SIK2: variants seen among roughly 807,000 people sequenced by gnomAD.
SIK2 encodes the protein serine/threonine-protein kinase SIK2.
A neutral mutation model predicts 103.2 loss-of-function variants in SIK2; 29 were observed. That is an observed-to-expected ratio of 0.28 (90% CI 0.21 to 0.38). The LOEUF (loss-of-function observed/expected upper bound fraction) is 0.38, where lower values mean the gene tolerates loss of function less well. Among genes scored for constraint, SIK2 ranks in the 10% least tolerant of loss-of-function variants. The pLI, the probability that SIK2 is intolerant of heterozygous loss-of-function variation, is 1.00. For missense variants in SIK2, 879 were observed against 1,171.0 expected, an observed-to-expected ratio of 0.75 and a Z score of 3.64; for synonymous variants, 412 against 446.1, an observed-to-expected ratio of 0.92 and a Z score of 0.96.
At chr11:111,630,165 G>A (rs1942018263) in intron 3 of SIK2, among the ~76,000 whole-genome samples, 1 of 152,130 alleles carries the variant, frequency 6.6e-6, no homozygotes, top group Admixed American at 6.5e-5. Flanking sequence ...ATTTATGCAT[G>A]CAACAACATG....
At chr11:111,670,901 G>C (rs1942616161) in intron 3 of SIK2, 1 of 156,454 alleles carries the variant, frequency 6.4e-6, no homozygotes, top group African/African-American at 2.4e-5. Flanking sequence ...TCCCTGACAG[G>C]CTCTGGGACA....
intron 1 of SIK2, among the ~76,000 whole-genome samples, chr11:111,609,717 G>T (rs1460219621): frequency 6.6e-6 from 1 of 152,178 alleles, no homozygotes; most frequent in African/African-American, 2.4e-5. Flanking sequence ...TTCTGAGAGG[G>T]TAACTAGAGA....
At chr11:111,720,042 C>G in intron 10 of SIK2, 39 bp downstream of exon 10, 2 of 1,573,616 alleles carry the variant, frequency 1.3e-6, no homozygotes, top group Non-Finnish European at 1.7e-6. Context: ...GTCTTCATGG[C>G]ATCATGTCAT....
At position 111,688,280 on chromosome 11, in the gene SIK2, C is replaced by A; in HGVS notation, c.478+118C>A. ...TTTCTACCTGATGACATCAGGCTAT[C>A]TCAAAGTCCATTTTATTCATTTCCT... is the stretch of plus-strand genomic sequence containing the variant. On this transcript the variant is annotated intron_variant, in intron 4 of 14. Coordinates refer to ENST00000304987, the MANE Select transcript of SIK2 (RefSeq NM_015191.3). The surrounding 1 kb of genome is among the most constrained non-coding windows in gnomAD (Gnocchi z 4.2). The A allele has an allele frequency of 1.0e-6, 1 of 959,766 alleles. No homozygotes were observed. Among genetic ancestry groups the A allele is most frequent in the Non-Finnish European group, 1.6e-6 (1 of 634,414 alleles). The allele number at this position is 959,766 out of a possible 1,614,324, so 59.5% of individuals were successfully genotyped here. A position where few individuals can be genotyped will look rare whatever the true frequency, so the allele number is the denominator to read the frequency against.
chr11:111,641,699 C>T (rs2135856525), intron 3 of SIK2, among the ~76,000 whole-genome samples: 1 of 152,208 alleles, frequency 6.6e-6, no homozygotes, highest in East Asian at 1.9e-4. Context: ...TCTTAAAAAT[C>T]TTCTGCAGTT....
chr11:111,653,776 T>C (rs1450204185), intron 3 of SIK2, among the ~76,000 whole-genome samples: 2 of 152,254 alleles, frequency 1.3e-5, no homozygotes, highest in African/African-American at 4.8e-5. Context: ...GTTCCACCCA[T>C]AATTTTAGGA....
chr11:111,617,859 T>C (rs553748526), intron 2 of SIK2, among the ~76,000 whole-genome samples: 2,819 of 150,982 alleles, frequency 0.019, 27 homozygotes, highest in Non-Finnish European at 0.026. Flanking sequence ...TGTATATATA[T>C]ATACACACAC....
In SIK2 at chr11:111,727,039, G is replaced by T. The variant is rs759984147; in HGVS notation, c.*2910G>T. The T allele has an allele frequency of 1.9e-6, 3 of 1,613,836 alleles. No homozygotes were observed. The South Asian group carries it at 3.3e-5, about 18-fold the overall frequency. On this transcript the variant is annotated 3_prime_UTR_variant, in exon 15 of 15. Coordinates refer to ENST00000304987, the MANE Select transcript of SIK2 (RefSeq NM_015191.3). ...GCAAGTGTGTCTCTAGTATCTCCAC[G>T]CAACTGATACACTGGTCCCTGTAAG...
At position 111,705,235 on chromosome 11, in the gene SIK2, T is replaced by G. The variant is rs1014542100; in HGVS notation, c.1101+96T>G. On this transcript the variant is annotated intron_variant, in intron 8 of 14. Transcript: ENST00000304987. This position sits in a 1 kb window ranked among gnomAD's most constrained non-coding sequence, Gnocchi z 4.3. ...TATACACAGGGTTAGGATTTCATCC[T>G]CTACACTCCGTTTTTCTGTAAAATT... is the stretch of plus-strand genomic sequence containing the variant. The G allele has an allele frequency of 7.9e-7, 1 of 1,264,914 alleles. No homozygotes were observed. Among genetic ancestry groups the G allele is most frequent in the East Asian group, 3.0e-5 (1 of 33,414 alleles). 78.4% of individuals were successfully genotyped at this position (1,264,914 alleles called of 1,614,324 possible).
intron 2 of SIK2, among the ~76,000 whole-genome samples, chr11:111,618,314 G>A (rs1308262336): frequency 6.6e-6 from 1 of 152,112 alleles, no homozygotes; most frequent in African/African-American, 2.4e-5. Flanking sequence ...TTCCTAACAG[G>A]CCACGGACTG....
chr11:111,723,582 C>G lies in SIK2; in HGVS notation c.2234C>G (p.Pro745Arg). The change falls in exon 15 of 15, where the codon CCA becomes CGA. Residue 745 changes from proline to arginine, a missense_variant. Pro to Arg is a moderately radical substitution (Grantham distance 103). Coordinates refer to ENST00000304987, the MANE Select transcript of SIK2 (RefSeq NM_015191.3). ...NQMQIAESSY[P>R]QPSQQLPLPR... ...ATGCAGATAGCAGAGAGCTCCTACC[C>G]ACAGCCAAGTCAGCAGCTGCCCCTT... 6.2e-7 allele frequency: 1 copy of G among 1,614,244 alleles called. No homozygotes were observed. Among genetic ancestry groups the G allele is most frequent in the East Asian group, 2.2e-5 (1 of 44,890 alleles).
chr11:111,606,137 A>G (rs1941645633), intron 1 of SIK2, among the ~76,000 whole-genome samples: 1 of 152,218 alleles, frequency 6.6e-6, no homozygotes, highest in Non-Finnish European at 1.5e-5. Flanking sequence ...GTATTAGGAA[A>G]TAACTTTTTC....
At chr11:111,655,434 C>T (rs1452612467) in intron 3 of SIK2, among the ~76,000 whole-genome samples, 1 of 152,280 alleles carries the variant, frequency 6.6e-6, no homozygotes, top group South Asian at 2.1e-4. Flanking sequence ...TGTTTCTCTT[C>T]CTTTGTTTGC....
At chr11:111,655,675 G>A (rs1267132115) in intron 3 of SIK2, among the ~76,000 whole-genome samples, 1 of 152,140 alleles carries the variant, frequency 6.6e-6, no homozygotes, top group Non-Finnish European at 1.5e-5. Context: ...CTACCTAGGT[G>A]GAGGTCTCTT....
rs772900316 is a variant in SIK2 at position 111,723,981 on chromosome 11, C to T, written c.2633C>T (p.Thr878Met). ...PVDGAQQSDL[T>M]GPDCPRSPGL... is the part of the protein sequence containing the mutation. The stretch of plus-strand genomic sequence containing the variant: ...GATGGAGCCCAGCAGAGCGACCTAA[C>T]GGGGCCAGACTGTCCCAGAAGCCCA... Residue 878 changes from threonine (T) to methionine (M), a missense_variant, in exon 15 of 15, where the codon ACG becomes ATG. By Grantham distance (81) the Thr-to-Met change is moderately conservative. Coordinates refer to ENST00000304987, the MANE Select transcript of SIK2 (RefSeq NM_015191.3). 40 of 1,614,058 alleles carry T rather than the reference C, an allele frequency of 2.5e-5. No individual in the cohort carries two copies. The Admixed American group carries it at 2.5e-4, about 10-fold the overall frequency.
chr11:111,634,791 G>A (rs971833155), intron 3 of SIK2, among the ~76,000 whole-genome samples: 10 of 152,092 alleles, frequency 6.6e-5, no homozygotes, highest in African/African-American at 2.4e-4. Flanking sequence ...ATCACATTCC[G>A]GGCACATGTT....
intron 3 of SIK2, among the ~76,000 whole-genome samples, chr11:111,632,111 T>C (rs1942048105): frequency 6.6e-6 from 1 of 152,102 alleles, no homozygotes; most frequent in African/African-American, 2.4e-5. Flanking sequence ...AACAGAAATA[T>C]GCAGGACATA....
At position 111,712,535 on chromosome 11, in the gene SIK2, C is replaced by T. The variant is rs188601731; in HGVS notation, c.1266+160C>T. On this transcript the variant is annotated intron_variant, in intron 9 of 14. Coordinates refer to ENST00000304987, the MANE Select transcript of SIK2 (RefSeq NM_015191.3). Reference sequence around the variant, plus strand: ...AAAACCTTAGAACAGTGTCCAGGCTCAACTCTTGTCAGTGTTTATCATTAT... The same window carrying T: ...AAAACCTTAGAACAGTGTCCAGGCTTAACTCTTGTCAGTGTTTATCATTAT... 2.4e-3 allele frequency among the ~76,000 whole-genome samples: 358 copies of T among 152,298 alleles called. 1 individual carries two copies. Among genetic ancestry groups the T allele is most frequent in the Non-Finnish European group, 4.1e-3 (280 of 68,014 alleles).
chr11:111,678,950 G>A (rs2135886434), intron 3 of SIK2, among the ~76,000 whole-genome samples: 1 of 152,260 alleles, frequency 6.6e-6, no homozygotes, highest in South Asian at 2.1e-4. Context: ...AGTAACCCAA[G>A]GCCTGAATAA....
Sources: gnomAD v4.1 joint callset for allele counts (sites outside exome capture counted in the v4.1 genomes callset) on GRCh38, gnomAD v4.1.1 for gene constraint, Gnocchi (gnomAD v3.1) non-coding constraint, MANE v1.5 for transcripts, NCBI Gene and HGNC (gene_info 2026-07-23, HGNC 2026-07-21) for gene names.